Variants in RARS2 observed in about 807,000 individuals in gnomAD.
The protein encoded by RARS2 is arginyl-tRNA synthetase 2, mitochondrial.
In RARS2, 67 loss-of-function variants were observed where a neutral mutation model predicts 88.5. The observed-to-expected ratio is 0.76, with a 90% CI of 0.62 to 0.93. The LOEUF is 0.93. RARS2 is among the 40% of genes least tolerant of loss of function. The probability of loss-of-function intolerance (pLI) is 0.00; values close to 1 mark genes in which losing one functional copy is unlikely to be tolerated. For missense variants in RARS2, 664 were observed against 684.2 expected, an observed-to-expected ratio of 0.97 and a Z score of 0.33; for synonymous variants, 239 against 230.3, an observed-to-expected ratio of 1.04 and a Z score of -0.34.
At chr6:87,530,691 A>T in intron 9 of RARS2, 93 bp downstream of exon 9, 1 of 1,504,798 alleles carries the variant, frequency 6.6e-7, no homozygotes, top group Non-Finnish European at 9.2e-7. Flanking sequence ...ATCTATTTTT[A>T]AAACACAAGC....
In RARS2 at chr6:87,542,001, T is replaced by C. The variant is rs906902972; in HGVS notation, c.536-7A>G. 6 of 1,608,154 alleles carry C rather than the reference T, an allele frequency of 3.7e-6. No individual in the cohort carries two copies. The highest frequency in any genetic ancestry group is 1.6e-4 in the Middle Eastern group (1 of 6,078). ...AAGCCAGTTCCCAGAAGACCTACCATGATAATCCGTAAATGAAAAATTATA... is the reference window on the plus strand; with the variant it reads ...AAGCCAGTTCCCAGAAGACCTACCACGATAATCCGTAAATGAAAAATTATA... On this transcript the variant is annotated splice_polypyrimidine_tract_variant and splice_region_variant and intron_variant, in intron 7 of 19. Transcript: ENST00000369536.
intron 1 of RARS2, among the ~76,000 whole-genome samples, chr6:87,583,855 T>C (rs1473234581): frequency 2.0e-5 from 3 of 152,138 alleles, no homozygotes; most frequent in Non-Finnish European, 2.9e-5. Flanking sequence ...TCCTTTTCTG[T>C]AAAATAAGGA....
At chr6:87,565,785 G>A (rs1396609222) in intron 2 of RARS2, among the ~76,000 whole-genome samples, 1 of 152,144 alleles carries the variant, frequency 6.6e-6, no homozygotes, top group African/African-American at 2.4e-5. Context: ...AATGAGACTC[G>A]ATGGGCAGAG....
chr6:87,519,744 C>CTA, intron 13 of RARS2, 37 bp from the exon 14 acceptor site: 1 of 1,613,274 alleles, frequency 6.2e-7, no homozygotes, highest in Non-Finnish European at 8.5e-7. Flanking sequence ...GAAAGCTAAA[C>CTA]AAGAGCTGCT....
intron 2 of RARS2, 170 bp from the exon 3 acceptor site, chr6:87,564,402 G>C (rs1767193067): frequency 1.6e-6 from 1 of 614,434 alleles, no homozygotes; most frequent in African/African-American, 1.8e-5. Context: ...GCTCATGCCT[G>C]TAATCCCAGC....
chr6:87,544,584 A>T (rs898733534), intron 7 of RARS2, among the ~76,000 whole-genome samples: 27 of 152,340 alleles, frequency 1.8e-4, no homozygotes, highest in Admixed American at 1.3e-3. Context: ...GCTGTTTCTT[A>T]AAATACACAT....
At chr6:87,556,809 A>AAAAT (rs1554204344) in intron 4 of RARS2, among the ~76,000 whole-genome samples, 22 of 131,868 alleles carry the variant, frequency 1.7e-4, no homozygotes, top group African/African-American at 4.0e-4. Flanking sequence ...AAAAAAAAAA[A>AAAAT]TTTTTTTTTT....
At chr6:87,516,692 G>GTAAC in intron 18 of RARS2, 114 bp downstream of exon 18, 1 of 1,433,532 alleles carries the variant, frequency 7.0e-7, no homozygotes. Context: ...AATAATTCCT[G>GTAAC]TAACTAAAAG....
At position 87,520,221 on chromosome 6, in the gene RARS2, T is replaced by C. The variant is rs1370186170; in HGVS notation, c.1071A>G (p.Val357=). 2 of 1,613,504 alleles carry C rather than the reference T, an allele frequency of 1.2e-6. No individual in the cohort carries two copies. Among genetic ancestry groups the C allele is most frequent in the Admixed American group, 1.7e-5 (1 of 60,012 alleles). ...ATCCCATGATCTTCAGCATTTGGAA[T>C]ACTTGCTGAAAATGCTTTTTTTGTC... ...DKGQKKHFQQ[V]FQMLKIMGYD... Residue 357 remains valine (V), a synonymous_variant, in exon 13 of 20, where the codon GTA becomes GTG. Coordinates refer to ENST00000369536, the MANE Select transcript of RARS2 (RefSeq NM_020320.5).
At chr6:87,589,591 TA>T (rs1471027152) in intron 1 of RARS2, 30 of 865,178 alleles carry the variant, frequency 3.5e-5, no homozygotes, top group Non-Finnish European at 3.9e-5. Context: ...CACTAAAGTG[TA>T]AAGAACACTA....
In RARS2 at chr6:87,555,489, A is replaced by C. The variant is rs1582645593; in HGVS notation, c.314T>G (p.Val105Gly). ...TCCATATTTTGAGCCATCTTCAATT[A>C]CTTGTTGTAGCACTGTCTGAAAATT... ...ELLTKTVLQQ[V>G]IEDGSKYGLK... The change falls in exon 5 of 20, where the codon GTA becomes GGA. Residue 105 changes from valine (V) to glycine (G), a missense_variant. Transcript: ENST00000369536. 6.2e-7 allele frequency: 1 copy of C among 1,612,780 alleles called. No homozygotes were observed. Among genetic ancestry groups the C allele is most frequent in the African/African-American group, 1.3e-5 (1 of 74,886 alleles).
intron 4 of RARS2, 36 bp downstream of exon 4, chr6:87,562,666 T>C (rs1395908913): frequency 2.0e-6 from 3 of 1,497,040 alleles, no homozygotes; most frequent in African/African-American, 2.8e-5. Context: ...GCAGACAGAA[T>C]GAAAGCACAA....
At chr6:87,583,402 CA>C (rs1774188715) in intron 1 of RARS2, among the ~76,000 whole-genome samples, 1 of 152,042 alleles carries the variant, frequency 6.6e-6, no homozygotes, top group South Asian at 2.1e-4. Flanking sequence ...CCAGACTGAC[CA>C]AAATGGAGAA....
intron 1 of RARS2, among the ~76,000 whole-genome samples, chr6:87,572,499 C>T (rs1464861136): frequency 1.3e-5 from 2 of 152,128 alleles, no homozygotes; most frequent in African/African-American, 2.4e-5. Context: ...GAACAACATG[C>T]AATTCTCATT....
chr6:87,560,970 A>G (rs1346872930), intron 4 of RARS2, among the ~76,000 whole-genome samples: 1 of 152,248 alleles, frequency 6.6e-6, no homozygotes, highest in African/African-American at 2.4e-5. Flanking sequence ...AGTTGTATAA[A>G]AGTATAGCAC....
Position 87,516,899 on chromosome 6 carries a change from A to G in RARS2, c.1512-19T>C, listed in dbSNP as rs531067273. ...GTCGAACCTAAAAGATGACAGGAAC[A>G]GTGAACAGGAAAAGACTGTACACAT... On this transcript the variant is annotated intron_variant, in intron 17 of 19. Coordinates refer to ENST00000369536, the MANE Select transcript of RARS2 (RefSeq NM_020320.5). 2.7e-5 allele frequency: 43 copies of G among 1,613,254 alleles called. 2 individuals carry two copies. The South Asian group carries it at 4.2e-4, about 16-fold the overall frequency.
rs202092389 is a variant in RARS2 at position 87,518,682 on chromosome 6, T to C, written c.1363A>G (p.Ser455Gly). 1.2e-5 allele frequency: 20 copies of C among 1,613,950 alleles called. No individual in the cohort carries two copies. The highest frequency in any genetic ancestry group is 4.0e-5 in the African/African-American group (3 of 74,894). Residue 455 changes from serine (S) to glycine (G), a missense_variant, in exon 16 of 20, where the codon AGT becomes GGT. Ser to Gly is a moderately conservative substitution (Grantham distance 56, BLOSUM62 0). Transcript: ENST00000369536. ...AGGAAGACTCCTGTGTCCCCGCGAC[T>C]CTGGAAAACACGATCCCAGCTGAAC... Reference protein sequence around the residue: ...YKFSWDRVFQSRGDTGVFLQY... With the variant: ...YKFSWDRVFQGRGDTGVFLQY...
intron 14 of RARS2, 68 bp downstream of exon 14, chr6:87,519,515 C>A: frequency 2.6e-6 from 4 of 1,512,882 alleles, no homozygotes; most frequent in Admixed American, 1.7e-5. Context: ...AATCACACTG[C>A]CCAAAGTCCA....
chr6:87,549,766 T>C (rs1361252619), intron 5 of RARS2, among the ~76,000 whole-genome samples: 4 of 152,212 alleles, frequency 2.6e-5, no homozygotes, highest in Non-Finnish European at 4.4e-5. Flanking sequence ...ACTCATTTAA[T>C]ACTCATATGT....
Sources: allele counts gnomAD v4.1 joint callset (sites outside exome capture counted in the v4.1 genomes callset), GRCh38; gene constraint gnomAD v4.1.1; transcripts MANE v1.5; gene names NCBI Gene and HGNC (gene_info 2026-07-23, HGNC 2026-07-21).